Variants in TMEM232 observed in about 807,000 individuals in gnomAD.
TMEM232 encodes transmembrane protein 232.
In TMEM232, 80 loss-of-function variants were observed where a neutral mutation model predicts 78.8. The ratio of observed to expected loss-of-function variants is 1.01; its 90% CI spans 0.85 to 1.22. TMEM232 has a LOEUF of 1.22. Ranked by LOEUF, TMEM232 falls within the 50% of genes most tolerant of loss-of-function variation. The pLI is 0.00. For synonymous variants in TMEM232, 297 were observed against 254.3 expected (o/e 1.17, Z -1.60); for missense variants, 881 against 742.2 (o/e 1.19, Z -2.17).
chr5:110,445,530 G>T (rs982498045), intron 12 of TMEM232, among the ~76,000 whole-genome samples: 3 of 152,122 alleles, frequency 2.0e-5, no homozygotes, highest in African/African-American at 7.2e-5. Flanking sequence ...GTCAGGAGTG[G>T]CTGGGTAGTG....
intron 12 of TMEM232, among the ~76,000 whole-genome samples, chr5:110,455,178 A>C (rs1332640089): frequency 6.6e-6 from 1 of 152,188 alleles, no homozygotes; most frequent in Non-Finnish European, 1.5e-5. Flanking sequence ...CCAAGAAAAA[A>C]AATGCCAAGC....
At chr5:110,577,936 T>C (rs1364917750) in intron 10 of TMEM232, among the ~76,000 whole-genome samples, 1 of 151,848 alleles carries the variant, frequency 6.6e-6, no homozygotes, top group Non-Finnish European at 1.5e-5. Flanking sequence ...GGCTTAGTGA[T>C]AGTGACCTGG....
At chr5:110,618,395 A>G in intron 8 of TMEM232, 34 bp downstream of exon 8, 5 of 1,546,860 alleles carry the variant, frequency 3.2e-6, no homozygotes, top group Non-Finnish European at 4.4e-6. Flanking sequence ...AGATTTCTCC[A>G]TGAGTTACTT....
At chr5:110,528,318 T>C (rs1189865967) in intron 12 of TMEM232, among the ~76,000 whole-genome samples, 2 of 151,924 alleles carry the variant, frequency 1.3e-5, no homozygotes, top group African/African-American at 4.8e-5. Flanking sequence ...TTGAATGATT[T>C]GGTTTCTGTT....
At chr5:110,456,718 C>T (rs1760950575) in intron 12 of TMEM232, among the ~76,000 whole-genome samples, 1 of 152,058 alleles carries the variant, frequency 6.6e-6, no homozygotes, top group Non-Finnish European at 1.5e-5. Flanking sequence ...AACATACCTG[C>T]ACATACACAG....
chr5:110,514,698 A>G (rs1162079961), intron 12 of TMEM232, among the ~76,000 whole-genome samples: 2 of 152,124 alleles, frequency 1.3e-5, no homozygotes, highest in East Asian at 3.9e-4. Flanking sequence ...ACAGAACAAG[A>G]CAGATTGGTT....
chr5:110,400,634 C>T (rs1259964854), intron 2 of TMEM232, among the ~76,000 whole-genome samples: 2 of 151,862 alleles, frequency 1.3e-5, no homozygotes, highest in Non-Finnish European at 2.9e-5. Context: ...AAATTAATTA[C>T]GTTCATTGTA....
At chr5:110,560,623 A>AAT (rs1775629774) in intron 11 of TMEM232, among the ~76,000 whole-genome samples, 1 of 152,210 alleles carries the variant, frequency 6.6e-6, no homozygotes, top group Admixed American at 6.5e-5. Flanking sequence ...AGAGAAAAAA[A>AAT]ATAATTTTTG....
intron 12 of TMEM232, among the ~76,000 whole-genome samples, chr5:110,515,225 G>A (rs993391116): frequency 1.2e-4 from 18 of 152,306 alleles, no homozygotes; most frequent in African/African-American, 3.8e-4. Flanking sequence ...CTCATGTGGT[G>A]TGGCAAACAA....
chr5:110,550,936 G>C (rs1395311264), intron 11 of TMEM232, among the ~76,000 whole-genome samples: 1 of 143,744 alleles, frequency 7.0e-6, no homozygotes, highest in African/African-American at 2.8e-5. Flanking sequence ...ACCACCCACA[G>C]GCCAAATCCA....
intron 1 of TMEM232, among the ~76,000 whole-genome samples, chr5:110,709,899 A>T (rs1201874862): frequency 6.6e-6 from 1 of 152,048 alleles, no homozygotes; most frequent in East Asian, 1.9e-4. Context: ...TCCAGGTGAG[A>T]CCCAGTCTAA....
At chr5:110,498,771 G>T (rs115813946) in intron 12 of TMEM232, among the ~76,000 whole-genome samples, 3,153 of 152,200 alleles carry the variant, frequency 0.021, 79 homozygotes, top group African/African-American at 0.058. Context: ...AATTAACAGA[G>T]CAAGTCCCAG....
chr5:110,403,629 G>A (rs1482815642), intron 2 of TMEM232, among the ~76,000 whole-genome samples: 1 of 152,032 alleles, frequency 6.6e-6, no homozygotes, highest in Non-Finnish European at 1.5e-5. Context: ...ATGCTGGAGG[G>A]AAGAATTACA....
At chr5:110,732,559 C>T (rs1048692352) in intron 2 of TMEM232, among the ~76,000 whole-genome samples, 1 of 152,238 alleles carries the variant, frequency 6.6e-6, no homozygotes, top group East Asian at 1.9e-4. Context: ...AAAGCGGAAA[C>T]CCCTGATAAG....
chr5:110,425,309 C>T (rs575563875), intron 12 of TMEM232, among the ~76,000 whole-genome samples: 2 of 152,154 alleles, frequency 1.3e-5, no homozygotes, highest in South Asian at 4.1e-4. Context: ...TAGCATAGTT[C>T]AGTGAAATTG....
intron 1 of TMEM232, among the ~76,000 whole-genome samples, chr5:110,701,796 A>G (rs912358462): frequency 6.6e-6 from 1 of 151,998 alleles, no homozygotes; most frequent in Non-Finnish European, 1.5e-5. Context: ...ACTTAAGTAT[A>G]TGGATGATCC....
At chr5:110,729,655 G>C (rs1037523984), upstream of TMEM232, among the ~76,000 whole-genome samples, 18 of 152,216 alleles carry the variant, frequency 1.2e-4, no homozygotes, top group African/African-American at 4.1e-4. Context: ...ATAATATCAA[G>C]ATGAAAGTAG....
At chr5:110,612,550 G>A (rs1410694539) in intron 8 of TMEM232, among the ~76,000 whole-genome samples, 2 of 152,106 alleles carry the variant, frequency 1.3e-5, no homozygotes, top group Admixed American at 6.6e-5. Context: ...TAAATAATGT[G>A]GATATCAGTG....
chr5:110,567,304 T>C (rs897482372), intron 11 of TMEM232, among the ~76,000 whole-genome samples: 1 of 151,776 alleles, frequency 6.6e-6, no homozygotes, highest in Admixed American at 6.6e-5. Context: ...AAAATAATTT[T>C]ACCATTAATT....
Sources: allele counts gnomAD v4.1 joint callset (sites outside exome capture counted in the v4.1 genomes callset), GRCh38; gene constraint gnomAD v4.1.1; transcripts MANE v1.5; gene names NCBI Gene and HGNC (gene_info 2026-07-23, HGNC 2026-07-21).